Variants in DGKB observed in about 807,000 individuals in gnomAD.
The protein encoded by DGKB is 90 kDa diacylglycerol kinase.
A neutral mutation model predicts 114.3 loss-of-function variants in DGKB; 67 were observed. The ratio of observed to expected loss-of-function variants is 0.59; its 90% CI spans 0.48 to 0.72. DGKB has a LOEUF of 0.72. DGKB is among the 30% of genes least tolerant of loss of function. The probability of loss-of-function intolerance (pLI) is 0.00; values close to 1 mark genes in which losing one functional copy is unlikely to be tolerated. For synonymous variants in DGKB, 398 were observed against 323.1 expected (o/e 1.23, Z -2.49); for missense variants, 907 against 975.2 (o/e 0.93, Z 0.93).
intron 21 of DGKB, among the ~76,000 whole-genome samples, chr7:14,412,720 G>A (rs569456792): frequency 1.7e-3 from 258 of 152,174 alleles, no homozygotes; most frequent in Non-Finnish European, 2.3e-3. Context: ...GGTGGCTCAC[G>A]CCTGTAATCC....
chr7:14,836,400 T>G (rs998053652), intron 2 of DGKB, among the ~76,000 whole-genome samples: 1 of 152,124 alleles, frequency 6.6e-6, no homozygotes, highest in Non-Finnish European at 1.5e-5. Flanking sequence ...ATAACACACA[T>G]TATATATAGC....
chr7:14,349,946 G>T (rs1813146466), intron 21 of DGKB, among the ~76,000 whole-genome samples: 1 of 152,130 alleles, frequency 6.6e-6, no homozygotes, highest in African/African-American at 2.4e-5. Flanking sequence ...TTCCTGGACA[G>T]ATTTTGTGAC....
At chr7:14,285,520 A>T (rs553465332) in intron 23 of DGKB, among the ~76,000 whole-genome samples, 1 of 152,324 alleles carries the variant, frequency 6.6e-6, no homozygotes, top group Non-Finnish European at 1.5e-5. Flanking sequence ...CTGATTTAGC[A>T]AAAGCCAATA....
chr7:14,792,828 A>G (rs1257279309), intron 2 of DGKB, among the ~76,000 whole-genome samples: 2 of 152,150 alleles, frequency 1.3e-5, no homozygotes, highest in Non-Finnish European at 2.9e-5. Context: ...ACTTGAAGAA[A>G]TGTATCTCAT....
intron 1 of DGKB, among the ~76,000 whole-genome samples, chr7:14,899,778 A>G (rs1238665440): frequency 6.6e-6 from 1 of 152,108 alleles, no homozygotes; most frequent in African/African-American, 2.4e-5. Flanking sequence ...CAGAGAAGGA[A>G]GATCTCTCAA....
chr7:14,282,742 A>G (rs1011335177), intron 23 of DGKB, among the ~76,000 whole-genome samples: 1 of 152,176 alleles, frequency 6.6e-6, no homozygotes, highest in African/African-American at 2.4e-5. Context: ...CAGCATATAA[A>G]CAGAGCCAAA....
intron 6 of DGKB, 117 bp downstream of exon 6, chr7:14,718,425 A>G: frequency 2.5e-6 from 2 of 814,140 alleles, no homozygotes; most frequent in East Asian, 6.3e-5. Flanking sequence ...ATTAAGCAGG[A>G]TCACTTTATT....
At chr7:14,485,118 A>G (rs1783592013) in intron 20 of DGKB, among the ~76,000 whole-genome samples, 2 of 151,368 alleles carry the variant, frequency 1.3e-5, no homozygotes, top group Non-Finnish European at 3.0e-5. Flanking sequence ...ACACACACAC[A>G]CACACACACA....
chr7:14,726,922 C>A (rs1318979201), intron 5 of DGKB, among the ~76,000 whole-genome samples: 2 of 152,180 alleles, frequency 1.3e-5, no homozygotes, highest in African/African-American at 4.8e-5. Flanking sequence ...TTCCACAGAG[C>A]TTTCATTCCA....
intron 19 of DGKB, among the ~76,000 whole-genome samples, chr7:14,576,823 T>C (rs1210599675): frequency 2.0e-5 from 3 of 152,056 alleles, no homozygotes; most frequent in African/African-American, 4.8e-5. Flanking sequence ...TGTAGGGATT[T>C]TTATGACTAA....
Position 14,326,288 on chromosome 7 carries a change from T to C in DGKB, c.2122+12227A>G, listed in dbSNP as rs1018639097. Among the ~76,000 whole-genome samples the C allele has an allele frequency of 4.6e-5, 7 of 151,260 alleles. No individual in the cohort carries two copies. The Admixed American group carries it at 4.6e-4, about 10-fold the overall frequency. Reference sequence around the variant, plus strand: ...CAATTGGTATGATACTAATTTGCTCTTTTTTTTTCCTTGCCCATGGAATAT... The same window carrying C: ...CAATTGGTATGATACTAATTTGCTCCTTTTTTTTCCTTGCCCATGGAATAT... On this transcript the variant is annotated intron_variant, in intron 23 of 25. Coordinates refer to ENST00000402815, the MANE Select transcript of DGKB (RefSeq NM_001350709.2).
intron 13 of DGKB, among the ~76,000 whole-genome samples, chr7:14,659,830 T>C (rs1394780977): frequency 6.6e-6 from 1 of 151,674 alleles, no homozygotes. Context: ...AGGGAATGCT[T>C]CCAGTTTTTG....
intron 21 of DGKB, among the ~76,000 whole-genome samples, chr7:14,465,129 T>C (rs1833642365): frequency 6.6e-6 from 1 of 152,164 alleles, no homozygotes; most frequent in African/African-American, 2.4e-5. Context: ...TAGCATATCG[T>C]ACTCCATTTT....
chr7:14,391,850 C>G (rs138115168), intron 21 of DGKB, among the ~76,000 whole-genome samples: 5 of 152,072 alleles, frequency 3.3e-5, no homozygotes, highest in African/African-American at 1.2e-4. Context: ...TCTAAAATTG[C>G]GTTGGAATGA....
chr7:14,327,820 T>C (rs1809014980), intron 23 of DGKB, among the ~76,000 whole-genome samples: 1 of 152,104 alleles, frequency 6.6e-6, no homozygotes, highest in Admixed American at 6.6e-5. Flanking sequence ...AGTATAAAAA[T>C]TTTTGTAAAG....
intron 1 of DGKB, among the ~76,000 whole-genome samples, chr7:14,872,425 T>C (rs968277270): frequency 6.6e-6 from 1 of 152,164 alleles, no homozygotes; most frequent in South Asian, 2.1e-4. Context: ...ATGAAAACTA[T>C]TTGTCAACAC....
At chr7:14,182,331 CATAT>C (rs936562953) in intron 23 of DGKB, among the ~76,000 whole-genome samples, 4 of 151,220 alleles carry the variant, frequency 2.6e-5, no homozygotes, top group Non-Finnish European at 4.4e-5. Flanking sequence ...AATAAGAAAG[CATAT>C]ATATCTCTAA....
At chr7:14,870,744 G>C (rs953844964) in intron 1 of DGKB, among the ~76,000 whole-genome samples, 1 of 152,052 alleles carries the variant, frequency 6.6e-6, no homozygotes, top group Non-Finnish European at 1.5e-5. Context: ...GCAGTGAGCC[G>C]AGATAGTACC....
chr7:14,357,241 G>C (rs1433790747), intron 21 of DGKB, among the ~76,000 whole-genome samples: 1 of 152,144 alleles, frequency 6.6e-6, no homozygotes, highest in Non-Finnish European at 1.5e-5. Context: ...AAGTCCCTTT[G>C]TGGGTCTCTA....
Sources: allele counts gnomAD v4.1 joint callset (sites outside exome capture counted in the v4.1 genomes callset), GRCh38; gene constraint gnomAD v4.1.1; transcripts MANE v1.5; gene names NCBI Gene and HGNC (gene_info 2026-07-23, HGNC 2026-07-21).